Variants in RAD54L observed in about 807,000 individuals in gnomAD.
The protein encoded by RAD54L is RAD54 like.
A neutral mutation model predicts 91.6 loss-of-function variants in RAD54L; 74 were observed. That is an observed-to-expected ratio of 0.81 (90% confidence interval 0.67 to 0.98). RAD54L has a LOEUF of 0.98. Ranked by LOEUF, RAD54L falls within the 50% of genes least tolerant of loss-of-function variation. The pLI, the probability that RAD54L is intolerant of heterozygous loss-of-function variation, is 0.00. For missense variants in RAD54L, 887 were observed against 945.7 expected (o/e 0.94, Z 0.81); for synonymous variants, 304 against 349.7 (o/e 0.87, Z 1.46).
At position 46,267,449 on chromosome 1, in the gene RAD54L, T is replaced by C; in HGVS notation, c.892-10T>C. ...GCCACATTGCGCTCTGAATAAGGAT[T>C]CTCTTGCAGGGACACAGGCTCAAGA... is the stretch of plus-strand genomic sequence containing the variant. On this transcript the variant is annotated splice_polypyrimidine_tract_variant and intron_variant, in intron 8 of 17. Coordinates refer to ENST00000371975, the MANE Select transcript of RAD54L (RefSeq NM_003579.4). The C allele has an allele frequency of 6.2e-7, 1 of 1,613,806 alleles. No individual in the cohort carries two copies. Among genetic ancestry groups the C allele is most frequent in the Non-Finnish European group, 8.5e-7 (1 of 1,180,014 alleles).
intron 16 of RAD54L, among the ~76,000 whole-genome samples, chr1:46,275,794 A>G (rs538572431): frequency 2.0e-5 from 3 of 152,072 alleles, no homozygotes; most frequent in African/African-American, 4.8e-5. Flanking sequence ...GAGACTATGA[A>G]TTTTTCCTCT....
intron 3 of RAD54L, among the ~76,000 whole-genome samples, chr1:46,251,537 C>T (rs1159053796): frequency 4.6e-5 from 7 of 152,116 alleles, no homozygotes; most frequent in Admixed American, 4.6e-4. Context: ...ATCACTAATA[C>T]AGCCTTGGCA....
At chr1:46,256,613 G>A (rs772952078) in intron 3 of RAD54L, among the ~76,000 whole-genome samples, 11 of 148,862 alleles carry the variant, frequency 7.4e-5, no homozygotes, top group Non-Finnish European at 7.4e-5. Flanking sequence ...CAGCCTGGGC[G>A]ACAAAATGAG....
At chr1:46,275,063 C>T (rs781481267) in intron 16 of RAD54L, among the ~76,000 whole-genome samples, 3 of 152,184 alleles carry the variant, frequency 2.0e-5, no homozygotes, top group East Asian at 1.9e-4. Flanking sequence ...TCAGACCATC[C>T]GTCCCATAGT....
intron 8 of RAD54L, 99 bp from the exon 9 acceptor site, chr1:46,267,360 G>A (rs1047414526): frequency 1.6e-5 from 25 of 1,538,118 alleles, no homozygotes; most frequent in East Asian, 6.8e-5. Flanking sequence ...CACGGCGCCC[G>A]GCCTGGAATG....
rs1281139680 is a variant in RAD54L, at chr1:46,263,135, A to G, written c.891+1750A>G. ...CAAAAGCAGAGATAAGAAAGTCCATACACCTTGTAGTAGTAGTTTGTGTTG... is the reference window on the plus strand; with the variant it reads ...CAAAAGCAGAGATAAGAAAGTCCATGCACCTTGTAGTAGTAGTTTGTGTTG... On this transcript the variant is annotated intron_variant, in intron 8 of 17. Coordinates refer to ENST00000371975, the MANE Select transcript of RAD54L (RefSeq NM_003579.4). This position sits in a 1 kb window ranked among gnomAD's most constrained non-coding sequence, Gnocchi z 4.3. 6.6e-6 allele frequency among the ~76,000 whole-genome samples: 1 copy of G among 152,178 alleles called. No individual in the cohort carries two copies. Among genetic ancestry groups the G allele is most frequent in the Non-Finnish European group, 1.5e-5 (1 of 68,034 alleles).
intron 3 of RAD54L, among the ~76,000 whole-genome samples, chr1:46,255,492 C>CTT (rs869103738): frequency 1.5e-3 from 123 of 80,816 alleles, no homozygotes; most frequent in African/African-American, 2.3e-3. Context: ...TTGGCCATTC[C>CTT]TTTTTTTTTT....
At chr1:46,269,174 T>C (rs1370091147) in intron 9 of RAD54L, among the ~76,000 whole-genome samples, 1 of 152,206 alleles carries the variant, frequency 6.6e-6, no homozygotes, top group Admixed American at 6.5e-5. Context: ...CAAATGTTCA[T>C]ATATGTGTTG....
chr1:46,274,834 G>C, intron 16 of RAD54L, 117 bp downstream of exon 16: 9 of 1,203,482 alleles, frequency 7.5e-6, no homozygotes, highest in Non-Finnish European at 1.1e-5. Context: ...GCCAAGCTAT[G>C]GGCCCAGAAG....
intron 3 of RAD54L, among the ~76,000 whole-genome samples, chr1:46,252,943 G>A (rs893193042): frequency 6.6e-6 from 1 of 151,996 alleles, no homozygotes; most frequent in African/African-American, 2.4e-5. Context: ...GTGGTTGCAC[G>A]TGACTGTAGT....
At chr1:46,249,964 C>T (rs770452954) in intron 2 of RAD54L, 36 bp from the exon 3 acceptor site, 13 of 1,611,100 alleles carry the variant, frequency 8.1e-6, no homozygotes, top group African/African-American at 1.3e-5. Context: ...TTTCTGTGGT[C>T]TTCTAGACTT....
In RAD54L at chr1:46,250,176, T is replaced by C. The variant is rs542665723; in HGVS notation, c.210+57T>C. 35 of 1,607,840 alleles carry C rather than the reference T, an allele frequency of 2.2e-5. 1 individual carries two copies. In the South Asian group the frequency reaches 3.8e-4, roughly 18 times the overall value. ...TCTGTGCCCAGTCACTCAGCCTAGG[T>C]AGACTCCTGTCCCTGTACACTCCCT... On this transcript the variant is annotated intron_variant, in intron 3 of 17. Transcript: ENST00000371975.
At chr1:46,257,224 A>G (rs957982898) in intron 3 of RAD54L, among the ~76,000 whole-genome samples, 1 of 152,066 alleles carries the variant, frequency 6.6e-6, no homozygotes, top group Admixed American at 6.6e-5. Context: ...TGAAGAAATG[A>G]GTCAGAAAAC....
At chr1:46,268,557 T>A (rs2148296075) in intron 9 of RAD54L, among the ~76,000 whole-genome samples, 1 of 152,326 alleles carries the variant, frequency 6.6e-6, no homozygotes, top group South Asian at 2.1e-4. Flanking sequence ...TCTCCTTTTG[T>A]CCCGGCAGCA....
At position 46,248,344 on chromosome 1, in the gene RAD54L, C is replaced by G; in HGVS notation, c.-62C>G. On this transcript the variant is annotated 5_prime_UTR_variant, in exon 1 of 18. Coordinates refer to ENST00000371975, the MANE Select transcript of RAD54L (RefSeq NM_003579.4). ...TTAGACCCTGGTCCTACACTCTTAG[C>G]CGCTGCCTGCTTTTGACCTTTGGCT... 6.2e-7 allele frequency: 1 copy of G among 1,606,342 alleles called. No individual in the cohort carries two copies. Among genetic ancestry groups the G allele is most frequent in the Non-Finnish European group, 8.5e-7 (1 of 1,175,186 alleles).
chr1:46,264,546 T>C (rs1240496896), intron 8 of RAD54L, among the ~76,000 whole-genome samples: 1 of 152,230 alleles, frequency 6.6e-6, no homozygotes, highest in Non-Finnish European at 1.5e-5. Flanking sequence ...TCTTCATCTG[T>C]AGAGTGGATG....
chr1:46,276,893 C>T (rs572470292), intron 16 of RAD54L, among the ~76,000 whole-genome samples: 8 of 152,268 alleles, frequency 5.3e-5, no homozygotes, highest in South Asian at 2.1e-4. Flanking sequence ...CTCTGCTTCC[C>T]GGGTTCAAGC....
rs530382665 is a variant in RAD54L, at chr1:46,250,063, C to G, written c.154C>G (p.Arg52Gly). 1.2e-6 allele frequency: 2 copies of G among 1,614,152 alleles called. No individual in the cohort carries two copies. Among genetic ancestry groups the G allele is most frequent in the African/African-American group, 1.3e-5 (1 of 75,042 alleles). Reference sequence around the variant, plus strand: ...CCAGGAGTGTTTCCTGTCTCCTTTTCGGAAACCTTTGAGTCAGCTAACCAA... The same window carrying G: ...CCAGGAGTGTTTCCTGTCTCCTTTTGGGAAACCTTTGAGTCAGCTAACCAA... ...QIQECFLSPF[R>G]KPLSQLTNQP... The change falls in exon 3 of 18, where the codon CGG becomes GGG. Residue 52 changes from arginine to glycine, a missense_variant. Arg to Gly is a moderately radical substitution (Grantham distance 125). Coordinates refer to ENST00000371975, the MANE Select transcript of RAD54L (RefSeq NM_003579.4).
At position 46,272,780 on chromosome 1, in the gene RAD54L, C is replaced by T; in HGVS notation, c.1353C>T (p.Thr451=). The T allele has an allele frequency of 6.2e-7, 1 of 1,614,170 alleles. No homozygotes were observed. The highest frequency in any genetic ancestry group is 8.5e-7 in the Non-Finnish European group (1 of 1,180,040). ...GTGTGTCTTCCCTTTCTTCCATCAC[C>T]TCGCTAAAGAAGCTTTGTAATCGTG... ...KMSVSSLSSI[T]SLKKLCNHPA... The change falls in exon 12 of 18, where the codon ACC becomes ACT. Residue 451 remains threonine, a synonymous_variant. Transcript: ENST00000371975.
Sources: gnomAD v4.1 joint callset for allele counts (sites outside exome capture counted in the v4.1 genomes callset) on GRCh38, gnomAD v4.1.1 for gene constraint, Gnocchi (gnomAD v3.1) non-coding constraint, MANE v1.5 for transcripts, NCBI Gene and HGNC (gene_info 2026-07-23, HGNC 2026-07-21) for gene names.